WARS2: variants seen among roughly 807,000 people sequenced by gnomAD.
WARS2 encodes the protein tryptophan--tRNA ligase, mitochondrial.
In WARS2, 28 loss-of-function variants were observed where a neutral mutation model predicts 36.5. That is an observed-to-expected ratio of 0.77 (90% CI 0.57 to 1.05). WARS2 has a LOEUF of 1.05. Among genes scored for constraint, WARS2 ranks in the 50% least tolerant of loss-of-function variants. The probability of loss-of-function intolerance (pLI) is 0.00; values close to 1 mark genes in which losing one functional copy is unlikely to be tolerated. For missense variants in WARS2, 435 were observed against 456.8 expected, an observed-to-expected ratio of 0.95 and a Z score of 0.44; for synonymous variants, 174 against 178.4, an observed-to-expected ratio of 0.98 and a Z score of 0.20.
At chr1:119,048,505 C>T (rs1651644933) in intron 2 of WARS2, among the ~76,000 whole-genome samples, 1 of 152,024 alleles carries the variant, frequency 6.6e-6, no homozygotes, top group Non-Finnish European at 1.5e-5. Flanking sequence ...CAGAGTGATC[C>T]CGTACGCCCT....
In WARS2 at chr1:119,076,798, T is replaced by C. The variant is rs146720893; in HGVS notation, c.91-191A>G. 9.6e-3 allele frequency among the ~76,000 whole-genome samples: 1,457 copies of C among 152,240 alleles called. 26 individuals carry two copies. Among genetic ancestry groups the C allele is most frequent in the African/African-American group, 0.034 (1,400 of 41,542 alleles). ...TGCTACTAGGCACAAAAAAATGATA[T>C]TAAAAATGTTTTTGCACTCAAACAT... On this transcript the variant is annotated intron_variant, in intron 1 of 5. Coordinates refer to ENST00000235521, the MANE Select transcript of WARS2 (RefSeq NM_015836.4).
intron 1 of WARS2, among the ~76,000 whole-genome samples, chr1:119,103,611 T>C (rs1311727032): frequency 1.3e-5 from 2 of 151,858 alleles, no homozygotes; most frequent in African/African-American, 4.8e-5. Flanking sequence ...ATCTTTTTAC[T>C]CCTCTTCACC....
Position 119,033,163 on chromosome 1 carries a change from C to T in WARS2, c.831G>A (p.Ala277=), listed in dbSNP as rs1003432838. ...AGAGCCCCGTCACCGCGGCATGCAC[C>T]GCCACTATGTTGGACACGCCAGCGC... ...AGRAGVSNIV[A]VHAAVTGLSV... The change falls in exon 6 of 6, where the codon GCG becomes GCA. Residue 277 remains alanine (A), a synonymous_variant. Coordinates refer to ENST00000235521, the MANE Select transcript of WARS2 (RefSeq NM_015836.4). 2 of 1,614,164 alleles carry T rather than the reference C, an allele frequency of 1.2e-6. No individual in the cohort carries two copies. The highest frequency in any genetic ancestry group is 1.7e-6 in the Non-Finnish European group (2 of 1,180,044).
At chr1:119,130,674 A>G (rs1656039993) in intron 1 of WARS2, among the ~76,000 whole-genome samples, 1 of 152,248 alleles carries the variant, frequency 6.6e-6, no homozygotes, top group Non-Finnish European at 1.5e-5. Flanking sequence ...CCTTGATGAC[A>G]ATGCTATGCA....
intron 1 of WARS2, chr1:119,086,012 C>G: frequency 1.2e-5 from 19 of 1,558,302 alleles, no homozygotes; most frequent in Non-Finnish European, 1.7e-5. Flanking sequence ...CAGTGTGGCA[C>G]ATACCCTGGC....
At position 119,092,049 on chromosome 1, in the gene WARS2, G is replaced by T. The variant is rs184358070; in HGVS notation, c.91-15442C>A. 3.9e-5 allele frequency among the ~76,000 whole-genome samples: 6 copies of T among 152,310 alleles called. No homozygotes were observed. The East Asian group carries it at 1.2e-3, about 29-fold the overall frequency. The stretch of plus-strand genomic sequence containing the variant: ...GAACTAGAATCTAGAATTCCCCGTG[G>T]TTAGAGCAACACAGGGGTATATTTG... On this transcript the variant is annotated intron_variant, in intron 1 of 5. Coordinates refer to ENST00000235521, the MANE Select transcript of WARS2 (RefSeq NM_015836.4).
Position 119,032,878 on chromosome 1 carries a change from C to A in WARS2, c.*33G>T. 6.3e-7 allele frequency: 1 copy of A among 1,581,866 alleles called. No homozygotes were observed. The highest frequency in any genetic ancestry group is 1.2e-5 in the South Asian group (1 of 86,358). On this transcript the variant is annotated 3_prime_UTR_variant, in exon 6 of 6. Transcript: ENST00000235521. Reference sequence around the variant, plus strand: ...TTATCAGAATGCATGGAGTGCAAGGCACAAAAGCCTTGCTGTGATTCGTTG... The same window carrying A: ...TTATCAGAATGCATGGAGTGCAAGGAACAAAAGCCTTGCTGTGATTCGTTG...
intron 1 of WARS2, chr1:119,126,560 T>C: frequency 6.6e-6 from 4 of 604,232 alleles, no homozygotes; most frequent in Non-Finnish European, 1.2e-5. Flanking sequence ...CTTGGACTAG[T>C]GGTTCATATC....
chr1:119,101,060 G>A (rs1653820589), intron 1 of WARS2, among the ~76,000 whole-genome samples: 1 of 152,196 alleles, frequency 6.6e-6, no homozygotes, highest in African/African-American at 2.4e-5. Context: ...TGGGAGGGAT[G>A]AGTGTGGGTG....
chr1:119,099,005 G>C (rs1653669667), intron 1 of WARS2, among the ~76,000 whole-genome samples: 1 of 152,186 alleles, frequency 6.6e-6, no homozygotes, highest in African/African-American at 2.4e-5. Context: ...CCAAAGTGCT[G>C]AGATTACAGG....
chr1:119,085,236 T>A (rs1254011386), intron 1 of WARS2: 3 of 861,722 alleles, frequency 3.5e-6, no homozygotes, highest in Non-Finnish European at 4.0e-6. Flanking sequence ...GGGTTTCCCC[T>A]TCTTCAGCTC....
At position 119,047,428 on chromosome 1, in the gene WARS2, G is replaced by A. The variant is rs562500991; in HGVS notation, c.349-1766C>T. The A allele has an allele frequency of 2.0e-5, 3 of 152,264 alleles. No homozygotes were observed. The South Asian group carries it at 6.2e-4, about 32-fold the overall frequency. 9.4% of individuals were successfully genotyped at this position (152,264 alleles called of 1,614,324 possible). A position where few individuals can be genotyped will look rare whatever the true frequency, so the allele number is the denominator to read the frequency against. The stretch of plus-strand genomic sequence containing the variant: ...GTGATACGCAAAAAGCTACCACTAT[G>A]TCTCCACGAAGCTGAGTATTTTCCT... On this transcript the variant is annotated intron_variant, in intron 2 of 5. Coordinates refer to ENST00000235521, the MANE Select transcript of WARS2 (RefSeq NM_015836.4).
chr1:119,054,508 A>G (rs1184258156), intron 2 of WARS2, among the ~76,000 whole-genome samples: 1 of 152,128 alleles, frequency 6.6e-6, no homozygotes, highest in East Asian at 1.9e-4. Context: ...CCCTCAGAAA[A>G]TTAAAAATAG....
At chr1:119,101,605 C>T (rs1005287970) in intron 1 of WARS2, among the ~76,000 whole-genome samples, 2 of 152,152 alleles carry the variant, frequency 1.3e-5, no homozygotes, top group African/African-American at 4.8e-5. Flanking sequence ...ACCCACATGT[C>T]CTCAAATCTG....
chr1:119,071,271 A>G (rs1227973111), intron 2 of WARS2, among the ~76,000 whole-genome samples: 1 of 152,232 alleles, frequency 6.6e-6, no homozygotes, highest in Admixed American at 6.5e-5. Flanking sequence ...GCCATTATGG[A>G]AAACAGTATG....
intron 2 of WARS2, among the ~76,000 whole-genome samples, chr1:119,048,067 C>A (rs1367586588): frequency 6.6e-6 from 1 of 152,136 alleles, no homozygotes; most frequent in Non-Finnish European, 1.5e-5. Flanking sequence ...AAGAATGGGA[C>A]CATTAGGTTT....
chr1:119,118,739 G>GA (rs2101529491), intron 1 of WARS2, among the ~76,000 whole-genome samples: 1 of 152,282 alleles, frequency 6.6e-6, no homozygotes, highest in East Asian at 1.9e-4. Context: ...TTTCTCAGCA[G>GA]AAACCCTGCA....
At chr1:119,056,952 T>C (rs532122964) in intron 2 of WARS2, among the ~76,000 whole-genome samples, 1 of 152,310 alleles carries the variant, frequency 6.6e-6, no homozygotes, top group South Asian at 2.1e-4. Flanking sequence ...CAAACTGTTC[T>C]CTAAGGTAGA....
chr1:119,053,741 C>T (rs528538340), intron 2 of WARS2, among the ~76,000 whole-genome samples: 32 of 152,166 alleles, frequency 2.1e-4, no homozygotes, highest in African/African-American at 7.7e-4. Flanking sequence ...AGTTAACATC[C>T]AGATTATACA....
Sources: allele counts gnomAD v4.1 joint callset (sites outside exome capture counted in the v4.1 genomes callset), GRCh38; gene constraint gnomAD v4.1.1; transcripts MANE v1.5; gene names NCBI Gene and HGNC (gene_info 2026-07-23, HGNC 2026-07-21).